Variants in SORCS2 observed in about 807,000 individuals in gnomAD.
The protein encoded by SORCS2 is VPS10 domain-containing receptor SorCS2.
A neutral mutation model predicts 141.6 loss-of-function variants in SORCS2; 100 were observed. That is an observed-to-expected ratio of 0.71 (90% confidence interval 0.60 to 0.83). SORCS2 has a LOEUF of 0.83. Ranked by LOEUF, SORCS2 falls within the 40% of genes least tolerant of loss-of-function variation. The pLI, the probability that SORCS2 is intolerant of heterozygous loss-of-function variation, is 0.00. For missense variants in SORCS2, 1,646 were observed against 1,560.2 expected (o/e 1.05, Z -0.93); for synonymous variants, 789 against 676.9 (o/e 1.17, Z -2.57).
intron 1 of SORCS2, among the ~76,000 whole-genome samples, chr4:7,392,587 G>T (rs1723934587): frequency 6.6e-6 from 1 of 152,122 alleles, no homozygotes; most frequent in Admixed American, 6.5e-5. Flanking sequence ...GGGGCGGGCA[G>T]GTTCGGGAAT....
At chr4:7,669,271 G>A (rs1011355829) in intron 8 of SORCS2, among the ~76,000 whole-genome samples, 2 of 152,208 alleles carry the variant, frequency 1.3e-5, no homozygotes, top group African/African-American at 4.8e-5. Flanking sequence ...TCCAGGGCAG[G>A]TGGCATGTGC....
At chr4:7,589,889 C>T (rs1028081036) in intron 3 of SORCS2, among the ~76,000 whole-genome samples, 1 of 152,206 alleles carries the variant, frequency 6.6e-6, no homozygotes, top group African/African-American at 2.4e-5. Context: ...TCTGTCATAT[C>T]TAGAGCAGCG....
At chr4:7,484,352 C>G (rs1730843447) in intron 2 of SORCS2, among the ~76,000 whole-genome samples, 4 of 152,188 alleles carry the variant, frequency 2.6e-5, no homozygotes, top group Admixed American at 2.6e-4. Context: ...TTTGGAGAAC[C>G]AAAGTAACCT....
At chr4:7,605,082 T>G (rs1343179884) in intron 3 of SORCS2, among the ~76,000 whole-genome samples, 1 of 152,250 alleles carries the variant, frequency 6.6e-6, no homozygotes, top group Admixed American at 6.5e-5. Context: ...GAGGTCAGCA[T>G]GGGACTGGTT....
At chr4:7,429,726 G>A (rs1473839400) in intron 2 of SORCS2, among the ~76,000 whole-genome samples, 1 of 152,202 alleles carries the variant, frequency 6.6e-6, no homozygotes, top group Non-Finnish European at 1.5e-5. Flanking sequence ...ACAGAGTGGT[G>A]GGGTCAGGAC....
chr4:7,273,516 T>G (rs1303827374), intron 1 of SORCS2, among the ~76,000 whole-genome samples: 1 of 151,934 alleles, frequency 6.6e-6, no homozygotes, highest in Non-Finnish European at 1.5e-5. Flanking sequence ...AGAGAGAGAC[T>G]CAGGTGTGCC....
chr4:7,303,012 C>T (rs1430575834), intron 1 of SORCS2, among the ~76,000 whole-genome samples: 5 of 152,206 alleles, frequency 3.3e-5, no homozygotes, highest in South Asian at 2.1e-4. Flanking sequence ...AGGGTCTCTG[C>T]GCCCCTGGGG....
chr4:7,689,841 G>T (rs1181968457), intron 11 of SORCS2, among the ~76,000 whole-genome samples: 1 of 152,232 alleles, frequency 6.6e-6, no homozygotes, highest in African/African-American at 2.4e-5. Context: ...TGAATGGATG[G>T]ATGGACAGAC....
chr4:7,492,378 C>A (rs1035336851), intron 2 of SORCS2, among the ~76,000 whole-genome samples: 9 of 152,336 alleles, frequency 5.9e-5, no homozygotes, highest in Middle Eastern at 3.4e-3. Flanking sequence ...CCACCAGGCC[C>A]ATCCATGTTG....
rs558903199 is a variant in SORCS2 at position 7,674,655 on chromosome 4, A to G, written c.1162-1395A>G. ...CCCTTGGGGCTGCATAGCACAGGGA[A>G]CAGGCAGGGCAGTGAGGGGAAGGGG... On this transcript the variant is annotated intron_variant, in intron 8 of 26. Coordinates refer to ENST00000507866, the MANE Select transcript of SORCS2 (RefSeq NM_020777.3). 3.7e-4 allele frequency among the ~76,000 whole-genome samples: 56 copies of G among 151,254 alleles called. 1 individual carries two copies. The East Asian group carries it at 0.011, about 29-fold the overall frequency.
intron 3 of SORCS2, among the ~76,000 whole-genome samples, chr4:7,636,851 CCT>C (rs1381505219): frequency 2.0e-5 from 3 of 152,226 alleles, no homozygotes; most frequent in East Asian, 3.9e-4. Flanking sequence ...AGCAATGTAT[CCT>C]CTCTCAGTCT....
At chr4:7,660,101 G>A (rs1455374412) in intron 5 of SORCS2, among the ~76,000 whole-genome samples, 2 of 152,198 alleles carry the variant, frequency 1.3e-5, no homozygotes, top group Admixed American at 1.3e-4. Context: ...CTGAGCACCT[G>A]CCACCAAATG....
At chr4:7,368,080 T>G (rs1164106993) in intron 1 of SORCS2, among the ~76,000 whole-genome samples, 2 of 152,188 alleles carry the variant, frequency 1.3e-5, no homozygotes, top group African/African-American at 4.8e-5. Flanking sequence ...CTTACCACCC[T>G]CACTCCACCC....
At chr4:7,291,905 T>C (rs977193153) in intron 1 of SORCS2, among the ~76,000 whole-genome samples, 2 of 152,160 alleles carry the variant, frequency 1.3e-5, no homozygotes, top group African/African-American at 4.8e-5. Flanking sequence ...CCCTCAACCG[T>C]AAACATCCCC....
intron 1 of SORCS2, among the ~76,000 whole-genome samples, chr4:7,224,118 A>G (rs1728868251): frequency 6.6e-6 from 1 of 152,146 alleles, no homozygotes; most frequent in Non-Finnish European, 1.5e-5. Flanking sequence ...CCCTCTAGGC[A>G]CCGCAGCAGG....
chr4:7,671,677 T>A (rs1273055375), intron 8 of SORCS2, among the ~76,000 whole-genome samples: 2 of 152,060 alleles, frequency 1.3e-5, no homozygotes, highest in African/African-American at 2.4e-5. Context: ...GCAGAAAGAA[T>A]AAGGATTGAA....
intron 9 of SORCS2, among the ~76,000 whole-genome samples, chr4:7,677,594 T>A (rs1238181136): frequency 6.7e-6 from 1 of 149,854 alleles, no homozygotes; most frequent in Non-Finnish European, 1.5e-5. Context: ...GCTGGGAGAG[T>A]GTCCCGTGGG....
At chr4:7,263,499 C>T (rs973631555) in intron 1 of SORCS2, among the ~76,000 whole-genome samples, 14 of 152,210 alleles carry the variant, frequency 9.2e-5, no homozygotes, top group African/African-American at 3.1e-4. Flanking sequence ...AGGAGCCGGG[C>T]GTGTCCGACC....
chr4:7,307,769 A>G (rs1717929267), intron 1 of SORCS2, among the ~76,000 whole-genome samples: 1 of 151,930 alleles, frequency 6.6e-6, no homozygotes, highest in Non-Finnish European at 1.5e-5. Context: ...GTGTGTGCCC[A>G]TGAGTTTGTG....
Sources: gnomAD v4.1 joint callset for allele counts (sites outside exome capture counted in the v4.1 genomes callset) on GRCh38, gnomAD v4.1.1 for gene constraint, MANE v1.5 for transcripts, NCBI Gene and HGNC (gene_info 2026-07-23, HGNC 2026-07-21) for gene names.